Variants in DYNLT5 observed in about 807,000 individuals in gnomAD.
DYNLT5 encodes the protein dynein light chain Tctex-type family member 5.
A neutral mutation model predicts 19.3 loss-of-function variants in DYNLT5; 25 were observed. The observed-to-expected ratio is 1.30, with a 90% CI of 0.95 to 1.81. DYNLT5 has a LOEUF of 1.81. Among genes scored for constraint, DYNLT5 ranks in the 40% most tolerant of loss-of-function variants. The pLI is 0.00. For synonymous variants in DYNLT5, 82 were observed against 68.9 expected (o/e 1.19, Z -0.94); for missense variants, 232 against 217.9 (o/e 1.06, Z -0.41).
chr1:66,773,667 A>G (rs1377513353), intron 3 of DYNLT5, among the ~76,000 whole-genome samples: 1 of 152,184 alleles, frequency 6.6e-6, no homozygotes, highest in East Asian at 1.9e-4. Context: ...AAATGTAGTA[A>G]TTATTATTAT....
Position 66,777,532 on chromosome 1 carries a change from C to CA in DYNLT5, c.*83dup, listed in dbSNP as rs1469841511. The stretch of plus-strand genomic sequence containing the variant: ...TGTCTGTACACAAAAGTTTTACTGC[C>CA]AAAAACTTTGAGAAAGAAACAACAC... On this transcript the variant is annotated 3_prime_UTR_variant, in exon 5 of 5. Transcript: ENST00000282670. The CA allele has an allele frequency of 2.3e-6, 3 of 1,279,140 alleles. No individual in the cohort carries two copies. The highest frequency in any genetic ancestry group is 4.7e-5 in the Admixed American group (2 of 42,764). 79.2% of individuals were successfully genotyped at this position (1,279,140 alleles called of 1,614,324 possible).
intron 3 of DYNLT5, 134 bp downstream of exon 3, chr1:66,770,612 T>C: frequency 1.3e-6 from 1 of 778,606 alleles, no homozygotes; most frequent in Non-Finnish European, 2.3e-6. Context: ...ATTGAGTGAT[T>C]TGATGTTGCT....
rs1460472145 is a variant in DYNLT5 at position 66,778,173 on chromosome 1, A to G, written c.*719A>G. The G allele has an allele frequency of 6.5e-6, 1 of 152,690 alleles. No individual in the cohort carries two copies. Among genetic ancestry groups the G allele is most frequent in the African/African-American group, 2.4e-5 (1 of 41,466 alleles). 9.5% of individuals were successfully genotyped at this position (152,690 alleles called of 1,614,324 possible). On this transcript the variant is annotated 3_prime_UTR_variant, in exon 5 of 5. Transcript: ENST00000282670. The stretch of plus-strand genomic sequence containing the variant: ...GGGACACTGAAGTAGACATTGTGAT[A>G]TTAAATATACATGATGCTTAATACT...
intron 2 of DYNLT5, chr1:66,755,720 G>C (rs979181944): frequency 2.0e-5 from 3 of 152,166 alleles, no homozygotes; most frequent in Non-Finnish European, 4.4e-5. Flanking sequence ...GCCTTTTACA[G>C]GTGGGAAACT....
In DYNLT5 at chr1:66,777,264, A is replaced by G. The variant is rs1645241917; in HGVS notation, c.350A>G (p.Gln117Arg). ...TTAAATTTCTAGGTTATTAAAGCCC[A>G]GGTCAAGGACTTGATGATTCCACGG... ...TKTISEVIKA[Q>R]VKDLMIPRYK... is the part of the protein sequence containing the mutation. The change falls in exon 5 of 5, where the codon CAG becomes CGG. Residue 117 changes from glutamine (Q) to arginine (R), a missense_variant. Gln to Arg is a conservative substitution (Grantham distance 43). Transcript: ENST00000282670. 6.2e-7 allele frequency: 1 copy of G among 1,608,570 alleles called. No homozygotes were observed.
chr1:66,756,597 T>C (rs1372497271), intron 2 of DYNLT5, among the ~76,000 whole-genome samples: 1 of 152,226 alleles, frequency 6.6e-6, no homozygotes, highest in Non-Finnish European at 1.5e-5. Flanking sequence ...AAGGACTGAA[T>C]ACATTATCTC....
chr1:66,774,055 A>G (rs1485469866), intron 3 of DYNLT5, among the ~76,000 whole-genome samples: 3 of 152,128 alleles, frequency 2.0e-5, no homozygotes, highest in Admixed American at 2.0e-4. Flanking sequence ...TTTTAATCTA[A>G]GCGAAGTATG....
chr1:66,754,041 T>C (rs1009016702), intron 1 of DYNLT5, among the ~76,000 whole-genome samples: 1 of 152,006 alleles, frequency 6.6e-6, no homozygotes, highest in African/African-American at 2.4e-5. Flanking sequence ...TCCCAGGAGT[T>C]CAAGACCAGC....
intron 3 of DYNLT5, among the ~76,000 whole-genome samples, chr1:66,772,946 G>T (rs1024316327): frequency 6.6e-6 from 1 of 152,112 alleles, no homozygotes; most frequent in Admixed American, 6.6e-5. Flanking sequence ...TTGAATCTCA[G>T]TGTCTTCACT....
At chr1:66,752,841 G>A (rs116099698) in intron 1 of DYNLT5, among the ~76,000 whole-genome samples, 1 of 152,328 alleles carries the variant, frequency 6.6e-6, no homozygotes, top group African/African-American at 2.4e-5. Context: ...GGCCAGCAAG[G>A]TCATCCCCTG....
intron 2 of DYNLT5, among the ~76,000 whole-genome samples, chr1:66,759,924 C>T (rs1290879600): frequency 6.6e-6 from 1 of 152,122 alleles, no homozygotes; most frequent in Non-Finnish European, 1.5e-5. Context: ...TCTTCTTCCT[C>T]CCTCTGCTAC....
chr1:66,778,119 G>A lies in DYNLT5; in HGVS notation c.*665G>A, dbSNP rs1645247604. ...AACCGAAAGTTGGCTCTTCAGTAAT[G>A]GAAACTATAAAGTGAATAAAGGCTT... is the stretch of plus-strand genomic sequence containing the variant. On this transcript the variant is annotated 3_prime_UTR_variant, in exon 5 of 5. Coordinates refer to ENST00000282670, the MANE Select transcript of DYNLT5 (RefSeq NM_152665.3). 6.6e-6 allele frequency: 1 copy of A among 152,556 alleles called. No individual in the cohort carries two copies. Among genetic ancestry groups the A allele is most frequent in the Non-Finnish European group, 1.5e-5 (1 of 68,038 alleles). The allele number at this position is 152,556 out of a possible 1,614,324, so 9.5% of individuals were successfully genotyped here.
chr1:66,766,068 C>T (rs72922057), intron 2 of DYNLT5, among the ~76,000 whole-genome samples: 1,882 of 152,280 alleles, frequency 0.012, 41 homozygotes, highest in African/African-American at 0.043. Flanking sequence ...CAGTGGTTTA[C>T]GCCAGACTTT....
At chr1:66,756,722 C>T (rs886196079) in intron 2 of DYNLT5, among the ~76,000 whole-genome samples, 2 of 152,086 alleles carry the variant, frequency 1.3e-5, no homozygotes, top group South Asian at 4.2e-4. Context: ...GATACAGTCC[C>T]AAATCCTGAC....
rs555611075 is a variant in DYNLT5 at position 66,777,515 on chromosome 1, C to A, written c.*61C>A. On this transcript the variant is annotated 3_prime_UTR_variant, in exon 5 of 5. Coordinates refer to ENST00000282670, the MANE Select transcript of DYNLT5 (RefSeq NM_152665.3). Reference sequence around the variant, plus strand: ...TTCTGAGGCAGGCTGTATGTCTGTACACAAAAGTTTTACTGCCAAAAACTT... The same window carrying A: ...TTCTGAGGCAGGCTGTATGTCTGTAAACAAAAGTTTTACTGCCAAAAACTT... 2 of 1,462,186 alleles carry A rather than the reference C, an allele frequency of 1.4e-6. No homozygotes were observed. Among genetic ancestry groups the A allele is most frequent in the Non-Finnish European group, 1.9e-6 (2 of 1,080,494 alleles). The allele number at this position is 1,462,186 out of a possible 1,614,324, so 90.6% of individuals were successfully genotyped here.
chr1:66,777,183 A>T (rs1368878154), intron 4 of DYNLT5, 68 bp from the exon 5 acceptor site: 2 of 1,323,866 alleles, frequency 1.5e-6, no homozygotes, highest in Non-Finnish European at 2.1e-6. Context: ...TTATATTTAT[A>T]ACAAAGGTTA....
At chr1:66,774,638 G>A (rs1216433062) in intron 3 of DYNLT5, among the ~76,000 whole-genome samples, 2 of 152,094 alleles carry the variant, frequency 1.3e-5, no homozygotes, top group Non-Finnish European at 2.9e-5. Flanking sequence ...CCTGGCTCCT[G>A]CCTGTGAGTT....
chr1:66,778,105 G>A lies in DYNLT5; in HGVS notation c.*651G>A, dbSNP rs183428396. 1.3e-5 allele frequency: 2 copies of A among 152,688 alleles called. No individual in the cohort carries two copies. The highest frequency in any genetic ancestry group is 2.4e-5 in the African/African-American group (1 of 41,564). 9.5% of individuals were successfully genotyped at this position (152,688 alleles called of 1,614,324 possible). On this transcript the variant is annotated 3_prime_UTR_variant, in exon 5 of 5. Transcript: ENST00000282670. ...CACAATTGTGGGAGAACCGAAAGTTGGCTCTTCAGTAATGGAAACTATAAA... is the reference window on the plus strand; with the variant it reads ...CACAATTGTGGGAGAACCGAAAGTTAGCTCTTCAGTAATGGAAACTATAAA...
intron 3 of DYNLT5, chr1:66,775,129 A>G (rs1035650967): frequency 3.3e-5 from 5 of 152,242 alleles, no homozygotes; most frequent in African/African-American, 1.2e-4. Flanking sequence ...AGGAGGAAGA[A>G]GATTCATTTG....
Sources: allele counts gnomAD v4.1 joint callset (sites outside exome capture counted in the v4.1 genomes callset), GRCh38; gene constraint gnomAD v4.1.1; transcripts MANE v1.5; gene names NCBI Gene and HGNC (gene_info 2026-07-23, HGNC 2026-07-21).